The following DAGLB variants were observed in gnomAD, a reference collection of about 807,000 sequenced individuals.
DAGLB encodes the protein diacylglycerol lipase beta.
Under a neutral mutation model 72.1 loss-of-function variants are expected in DAGLB, and 66 were observed. That is an observed-to-expected ratio of 0.92 (90% CI 0.75 to 1.12). DAGLB has a LOEUF of 1.12. Among genes scored for constraint, DAGLB ranks in the 50% most tolerant of loss-of-function variants. The probability of loss-of-function intolerance (pLI) is 0.00; values close to 1 mark genes in which losing one functional copy is unlikely to be tolerated. For synonymous variants in DAGLB, 414 were observed against 359.5 expected, an observed-to-expected ratio of 1.15 and a Z score of -1.71; for missense variants, 1,065 against 884.9, an observed-to-expected ratio of 1.20 and a Z score of -2.58.
chr7:6,433,109 G>A (rs1250956409), intron 4 of DAGLB, 150 bp from the exon 5 acceptor site: 2 of 1,232,712 alleles, frequency 1.6e-6, no homozygotes, highest in East Asian at 2.8e-5. Flanking sequence ...GCTCCTGGCA[G>A]GAGTGCTTCT....
At chr7:6,421,903 C>T (rs2288153) in intron 8 of DAGLB, 99 bp from the exon 9 acceptor site, 300,747 of 1,316,976 alleles carry the variant, frequency 0.23, 36,850 homozygotes, top group East Asian at 0.4. Context: ...TGGAGGATGG[C>T]GGGGATGGCA....
chr7:6,439,029 T>G (rs1201452839), intron 2 of DAGLB, among the ~76,000 whole-genome samples: 1 of 152,022 alleles, frequency 6.6e-6, no homozygotes, highest in Non-Finnish European at 1.5e-5. Context: ...CCAAGGTGGA[T>G]GGACTGTCTG....
Position 6,447,746 on chromosome 7 carries a change from A to G in DAGLB, c.95+2T>C, listed in dbSNP as rs1562492128. On this transcript the variant is annotated splice_donor_variant, in intron 1 of 14. Coordinates refer to ENST00000297056, the MANE Select transcript of DAGLB (RefSeq NM_139179.4). LOFTEE classifies it high-confidence loss of function. ...CACCGCCCCCGTAGCCGCCGTCCTT[A>G]CCACAGCACTCGCACGACCAGCTCG... 2 of 1,612,110 alleles carry G rather than the reference A, an allele frequency of 1.2e-6. No individual in the cohort carries two copies. Among genetic ancestry groups the G allele is most frequent in the Admixed American group, 1.7e-5 (1 of 59,778 alleles).
intron 6 of DAGLB, among the ~76,000 whole-genome samples, 179 bp downstream of exon 6, chr7:6,430,301 G>A (rs1188090468): frequency 1.6e-5 from 2 of 124,666 alleles, no homozygotes; most frequent in Non-Finnish European, 3.5e-5. Flanking sequence ...GAGGGAGGGA[G>A]GGAGAGAGAG....
At chr7:6,445,745 G>T in intron 2 of DAGLB, 1 of 485,114 alleles carries the variant, frequency 2.1e-6, no homozygotes, top group Non-Finnish European at 3.5e-6. Context: ...TTACAGGTGT[G>T]AGCCACTGTG....
chr7:6,438,333 T>C (rs191133278), intron 2 of DAGLB, among the ~76,000 whole-genome samples: 61 of 152,170 alleles, frequency 4.0e-4, no homozygotes, highest in African/African-American at 1.4e-3. Flanking sequence ...ACATGTACCA[T>C]AGAACTTAAA....
At chr7:6,412,556 G>A (rs1326969964) in intron 13 of DAGLB, 5 of 501,692 alleles carry the variant, frequency 1.0e-5, no homozygotes, top group Non-Finnish European at 1.8e-5. Context: ...GAGGTGCTGG[G>A]ATTCCAGGCA....
Position 6,436,353 on chromosome 7 carries a change from A to T in DAGLB, c.419+9T>A, listed in dbSNP as rs1394688599. 6.3e-7 allele frequency: 1 copy of T among 1,597,882 alleles called. No individual in the cohort carries two copies. The highest frequency in any genetic ancestry group is 8.5e-7 in the Non-Finnish European group (1 of 1,173,984). On this transcript the variant is annotated intron_variant, in intron 3 of 14. Transcript: ENST00000297056. ...CACTGAAACTCAAAGAGAAGAAGGGAGATGTCACCTGACCACGACGGTTGC... is the reference window on the plus strand; with the variant it reads ...CACTGAAACTCAAAGAGAAGAAGGGTGATGTCACCTGACCACGACGGTTGC...
intron 3 of DAGLB, chr7:6,435,488 G>GAAA (rs34469026): frequency 2.1e-5 from 3 of 142,302 alleles, no homozygotes; most frequent in South Asian, 2.1e-4. Context: ...CCGTCTCAAA[G>GAAA]AAAAAAAAAA....
intron 4 of DAGLB, among the ~76,000 whole-genome samples, 165 bp from the exon 5 acceptor site, chr7:6,433,124 G>A (rs1294504073): frequency 1.3e-5 from 2 of 152,232 alleles, no homozygotes; most frequent in African/African-American, 4.8e-5. Flanking sequence ...GCTTCTCTAT[G>A]TGACCTGAAT....
At chr7:6,447,412 T>C (rs897079912) in intron 1 of DAGLB, among the ~76,000 whole-genome samples, 1 of 152,158 alleles carries the variant, frequency 6.6e-6, no homozygotes, top group African/African-American at 2.4e-5. Flanking sequence ...GCCAAGGCTT[T>C]TGCCGGCGGT....
In DAGLB at chr7:6,416,671, CG is replaced by C; in HGVS notation, c.1382del (p.Pro461ArgfsTer36). On this transcript the variant is annotated frameshift_variant, in exon 11 of 15. Transcript: ENST00000297056. LOFTEE classifies it high-confidence loss of function. ...GGGAGAAGGCGTAGCACCTGACCTGCGGGTAGGCGGCTCTGAGCATGGTGGC... is the reference window on the plus strand; with the variant it reads ...GGGAGAAGGCGTAGCACCTGACCTGCGGTAGGCGGCTCTGAGCATGGTGGC... ...LLATMLRAAYPQVRCYAFSPP... is the reference protein window; with the variant it reads ...LLATMLRAAYXQVRCYAFSPP... 2 of 1,613,546 alleles carry C rather than the reference CG, an allele frequency of 1.2e-6. No homozygotes were observed. The highest frequency in any genetic ancestry group is 1.7e-6 in the Non-Finnish European group (2 of 1,179,794).
rs550192108 is a variant in DAGLB, at chr7:6,421,642, G to A, written c.1218+85C>T. 876 of 1,389,040 alleles carry A rather than the reference G, an allele frequency of 6.3e-4. 3 individuals carry two copies. Among genetic ancestry groups the A allele is most frequent in the Non-Finnish European group, 6.2e-4 (636 of 1,029,224 alleles). 86.0% of individuals were successfully genotyped at this position (1,389,040 alleles called of 1,614,324 possible). A position where few individuals can be genotyped will look rare whatever the true frequency, so the allele number is the denominator to read the frequency against. ...GCAGCGCGGGAGGCGCAGGCAGCGCGGGCTCTGTGCAGTCCCTGACCCGAG... is the reference window on the plus strand; with the variant it reads ...GCAGCGCGGGAGGCGCAGGCAGCGCAGGCTCTGTGCAGTCCCTGACCCGAG... On this transcript the variant is annotated intron_variant, in intron 9 of 14. Coordinates refer to ENST00000297056, the MANE Select transcript of DAGLB (RefSeq NM_139179.4).
At chr7:6,443,629 A>T (rs1215989736) in intron 2 of DAGLB, among the ~76,000 whole-genome samples, 1 of 151,878 alleles carries the variant, frequency 6.6e-6, no homozygotes, top group Non-Finnish European at 1.5e-5. Context: ...CACCTTTTAC[A>T]TTTCAGTCCT....
At chr7:6,436,849 T>C (rs1420959833) in intron 2 of DAGLB, among the ~76,000 whole-genome samples, 1 of 151,886 alleles carries the variant, frequency 6.6e-6, no homozygotes, top group Non-Finnish European at 1.5e-5. Flanking sequence ...AAGGGGACTA[T>C]TAATAATTAT....
intron 5 of DAGLB, among the ~76,000 whole-genome samples, chr7:6,432,338 C>G (rs909926065): frequency 6.0e-5 from 9 of 151,080 alleles, no homozygotes; most frequent in Non-Finnish European, 1.0e-4. Flanking sequence ...GAGCAAAACT[C>G]CATCTCATAA....
At chr7:6,424,921 G>T in intron 7 of DAGLB, 86 bp from the exon 8 acceptor site, 1 of 1,327,080 alleles carries the variant, frequency 7.5e-7, no homozygotes, top group Non-Finnish European at 1.1e-6. Context: ...TGTCTGCAAT[G>T]ACAGCCCAAG....
chr7:6,446,194 C>G, intron 1 of DAGLB, 90 bp from the exon 2 acceptor site: 2 of 1,379,278 alleles, frequency 1.5e-6, no homozygotes, highest in Non-Finnish European at 1.9e-6. Context: ...GGGGACAGGG[C>G]GCGGTGGCTC....
chr7:6,444,826 AACCCGGGAGGCAGAGGTT>A (rs1443985124), intron 2 of DAGLB, among the ~76,000 whole-genome samples: 1 of 152,154 alleles, frequency 6.6e-6, no homozygotes, highest in African/African-American at 2.4e-5. Context: ...GAATCACTTG[AACCCGGGAGGCAGAGGTT>A]ACAGTGAGCC....
Sources: gnomAD v4.1 joint callset for allele counts (sites outside exome capture counted in the v4.1 genomes callset) on GRCh38, gnomAD v4.1.1 for gene constraint, MANE v1.5 for transcripts, NCBI Gene and HGNC (gene_info 2026-07-23, HGNC 2026-07-21) for gene names.